The following ZBTB45 variants were observed in gnomAD, a reference collection of about 807,000 sequenced individuals.
ZBTB45 encodes zinc finger and BTB domain-containing protein 45.
ZBTB45 carries 22 observed loss-of-function variants against 28.4 expected under a neutral mutation model. The ratio of observed to expected loss-of-function variants is 0.77; its 90% CI spans 0.55 to 1.10. The LOEUF (loss-of-function observed/expected upper bound fraction) is 1.10. ZBTB45 is among the 50% of genes least tolerant of loss of function. The pLI is 0.00. For missense variants in ZBTB45, 656 were observed against 750.2 expected (o/e 0.87, Z 1.47); for synonymous variants, 361 against 332.3 (o/e 1.09, Z -0.94).
Position 58,516,062 on chromosome 19 carries a change from C to T in ZBTB45, c.1279+333G>A, listed in dbSNP as rs943997850. 6.6e-6 allele frequency among the ~76,000 whole-genome samples: 1 copy of T among 152,136 alleles called. No homozygotes were observed. Among genetic ancestry groups the T allele is most frequent in the Non-Finnish European group, 1.5e-5 (1 of 68,010 alleles). ...GCTCCCTGGAGCATAGTTTCCCAAC[C>T]TGCCAGGACCTCCTGCCAAGGCTCC... On this transcript the variant is annotated intron_variant, in intron 2 of 2. Coordinates refer to ENST00000594051, the MANE Select transcript of ZBTB45 (RefSeq NM_001316979.2). The surrounding 1 kb of genome is among the most constrained non-coding windows in gnomAD (Gnocchi z 6.2).
upstream of ZBTB45, among the ~76,000 whole-genome samples, chr19:58,524,776 A>G (rs1384746638): frequency 6.6e-6 from 1 of 150,958 alleles, no homozygotes; most frequent in Admixed American, 6.6e-5. Context: ...CCAGCTACTC[A>G]GGAGGCTGAG....
intron 1 of ZBTB45, among the ~76,000 whole-genome samples, chr19:58,537,911 C>T (rs1405169020): frequency 2.0e-5 from 3 of 151,848 alleles, no homozygotes; most frequent in African/African-American, 7.3e-5. Flanking sequence ...GATCTCAGCT[C>T]ACTGCAACTT....
chr19:58,517,825 A>C (rs1425125920), intron 1 of ZBTB45, 152 bp from the exon 2 acceptor site: 1 of 688,800 alleles, frequency 1.5e-6, no homozygotes, highest in African/African-American at 1.8e-5. Context: ...TGCCCTTCAC[A>C]GTCCCCATTC....
chr19:58,521,166 C>A (rs961825862), upstream of ZBTB45, among the ~76,000 whole-genome samples: 41 of 148,906 alleles, frequency 2.8e-4, no homozygotes, highest in Non-Finnish European at 4.3e-4. Context: ...AGATCGAGAC[C>A]ATCCTGGCTA....
chr19:58,538,324 C>G (rs1001099966), intron 1 of ZBTB45, among the ~76,000 whole-genome samples: 19 of 151,988 alleles, frequency 1.3e-4, no homozygotes, highest in African/African-American at 4.6e-4. Context: ...GCGATCTCAA[C>G]GCGTCAGCCT....
Position 58,516,602 on chromosome 19 carries a change from G to A in ZBTB45, c.1072C>T (p.Pro358Ser). The part of the protein sequence containing the change: ...APSGPAPAPP[P>S]AFYPTLQPEA... ...GGCTGGAGTGTGGGGTAGAAGGCGG[G>A]TGGGGGCGCAGGGGCTGGCCCCGAT... The change falls in exon 2 of 3, where the codon CCC (proline) becomes TCC (serine). Residue 358 changes from proline to serine, a missense_variant. Transcript: ENST00000594051. The surrounding 1 kb of genome is among the most constrained non-coding windows in gnomAD (Gnocchi z 6.2). 6.4e-7 allele frequency: 1 copy of A among 1,563,344 alleles called. No individual in the cohort carries two copies. Among genetic ancestry groups the A allele is most frequent in the East Asian group, 2.3e-5 (1 of 44,212 alleles).
intron 1 of ZBTB45, among the ~76,000 whole-genome samples, chr19:58,527,775 C>A (rs1208357260): frequency 6.6e-6 from 1 of 151,912 alleles, no homozygotes; most frequent in Non-Finnish European, 1.5e-5. Flanking sequence ...TTGTCCCCTC[C>A]CTCTTTACAA....
upstream of ZBTB45, among the ~76,000 whole-genome samples, chr19:58,521,852 G>A (rs1381913049): frequency 3.3e-5 from 5 of 152,038 alleles, no homozygotes; most frequent in African/African-American, 7.2e-5. Context: ...AGAGGGACTC[G>A]GCAGTGAAAG....
rs1457375166 is a variant in ZBTB45, at chr19:58,517,598, GC to G, written c.75del (p.Gln26ArgfsTer10). On this transcript the variant is annotated frameshift_variant, in exon 2 of 3. Transcript: ENST00000594051. LOFTEE classifies it high-confidence loss of function. The part of the protein sequence containing the change: ...FSRSLLETLN[G>X]QRLGGHFCDV... ...TCACAGAAGTGTCCCCCAAGCCTCT[GC>G]CCATTGAGGGTCTCAAGCAGAGAGC... 6.2e-7 allele frequency: 1 copy of G among 1,613,956 alleles called. No individual in the cohort carries two copies. The highest frequency in any genetic ancestry group is 1.7e-5 in the Admixed American group (1 of 59,998).
Position 58,516,293 on chromosome 19 carries a change from G to C in ZBTB45, c.1279+102C>G. On this transcript the variant is annotated intron_variant, in intron 2 of 2. Coordinates refer to ENST00000594051, the MANE Select transcript of ZBTB45 (RefSeq NM_001316979.2). The surrounding 1 kb of genome is among the most constrained non-coding windows in gnomAD (Gnocchi z 6.2). ...TTTCTAGGCCCCCTGCTAACCAAAAGTAACAGAACAGTGCCAGTGCCCTGT... is the reference window on the plus strand; with the variant it reads ...TTTCTAGGCCCCCTGCTAACCAAAACTAACAGAACAGTGCCAGTGCCCTGT... 6.9e-7 allele frequency: 1 copy of C among 1,442,982 alleles called. No individual in the cohort carries two copies. Among genetic ancestry groups the C allele is most frequent in the Non-Finnish European group, 9.4e-7 (1 of 1,062,190 alleles). The allele number at this position is 1,442,982 out of a possible 1,614,324, so 89.4% of individuals were successfully genotyped here.
chr19:58,528,858 C>T (rs1407750769), intron 1 of ZBTB45, among the ~76,000 whole-genome samples: 3 of 151,972 alleles, frequency 2.0e-5, no homozygotes, highest in Non-Finnish European at 4.4e-5. Flanking sequence ...CGCGCCACTG[C>T]ACTCCAGCCT....
chr19:58,522,028 A>G (rs915823713), upstream of ZBTB45, among the ~76,000 whole-genome samples: 8 of 152,048 alleles, frequency 5.3e-5, no homozygotes, highest in Non-Finnish European at 1.2e-4. Context: ...AACCTCATTA[A>G]AACACAAGTC....
At chr19:58,514,333 C>T in intron 2 of ZBTB45, 23 bp from the exon 3 acceptor site, 1 of 1,581,886 alleles carries the variant, frequency 6.3e-7, no homozygotes, top group Non-Finnish European at 8.6e-7. Flanking sequence ...GGGCGGGCCG[C>T]GAACGCAAGT....
intron 1 of ZBTB45, among the ~76,000 whole-genome samples, chr19:58,530,171 T>A (rs1262517122): frequency 1.3e-5 from 2 of 150,934 alleles, no homozygotes; most frequent in Non-Finnish European, 2.9e-5. Context: ...ACCACTACAC[T>A]CCAGTCTGAT....
chr19:58,514,720 C>T (rs1401986687), intron 2 of ZBTB45, among the ~76,000 whole-genome samples: 1 of 152,152 alleles, frequency 6.6e-6, no homozygotes, highest in East Asian at 1.9e-4. Flanking sequence ...GGACTGCCCA[C>T]TGGGATCTCC....
At position 58,516,712 on chromosome 19, in the gene ZBTB45, C is replaced by A; in HGVS notation, c.962G>T (p.Gly321Val). 1 of 1,597,026 alleles carries A rather than the reference C, an allele frequency of 6.3e-7. No individual in the cohort carries two copies. Among genetic ancestry groups the A allele is most frequent in the South Asian group, 1.1e-5 (1 of 88,192 alleles). Residue 321 changes from glycine (G) to valine (V), a missense_variant, in exon 2 of 3, where the codon GGT (glycine) becomes GTT (valine). Gly to Val is a moderately radical substitution (Grantham distance 109). Around this residue, in one of 3 missense-constraint regions of ZBTB45, gnomAD observed 448 missense variants for 444.3 expected, o/e 1.01. Coordinates refer to ENST00000594051, the MANE Select transcript of ZBTB45 (RefSeq NM_001316979.2). The surrounding 1 kb of genome is among the most constrained non-coding windows in gnomAD (Gnocchi z 6.2). ...DCILSGSRPPGVKTPGPPVAL... is the reference protein window; with the variant it reads ...DCILSGSRPPVVKTPGPPVAL... The stretch of plus-strand genomic sequence containing the variant: ...AACGGGCGGCCCTGGGGTCTTCACA[C>A]CAGGCGGGCGGGATCCAGACAGTAT...
In ZBTB45 at chr19:58,517,117, G is replaced by A. The variant is rs770940859; in HGVS notation, c.557C>T (p.Thr186Ile). Residue 186 changes from threonine to isoleucine, a missense_variant, in exon 2 of 3, where the codon ACA becomes ATA. Physicochemically the swap from Thr to Ile is moderately conservative, Grantham distance 89 (BLOSUM62 -1). This residue lies in a region of ZBTB45 where 448 missense variants were observed against 444.3 expected (regional missense o/e 1.01). Transcript: ENST00000594051. Reference protein sequence around the residue: ...PARLQLPAPPTPAKAEGPDAD... With the variant: ...PARLQLPAPPIPAKAEGPDAD... ...ATCAGGCCCCTCAGCCTTGGCAGGT[G>A]TTGGGGGCGCTGGCAGCTGCAAACG... The A allele has an allele frequency of 3.7e-6, 6 of 1,612,902 alleles. No individual in the cohort carries two copies. The South Asian group carries it at 5.5e-5, about 15-fold the overall frequency.
chr19:58,515,595 C>CA lies in ZBTB45; in HGVS notation c.1279+799dup, dbSNP rs1402973367. The stretch of plus-strand genomic sequence containing the variant: ...AGAACACCATGGCTTCCCCACCACT[C>CA]ACAGTCAAATCCCAAGTTCCAGCCC... On this transcript the variant is annotated intron_variant, in intron 2 of 2. Transcript: ENST00000594051. This position sits in a 1 kb window ranked among gnomAD's most constrained non-coding sequence, Gnocchi z 4.7. 6.6e-6 allele frequency among the ~76,000 whole-genome samples: 1 copy of CA among 152,198 alleles called. No individual in the cohort carries two copies. The highest frequency in any genetic ancestry group is 2.4e-5 in the African/African-American group (1 of 41,454).
At position 58,514,052 on chromosome 19, in the gene ZBTB45, C is replaced by A. The variant is rs2122544423; in HGVS notation, c.*2G>T. The A allele has an allele frequency of 1.4e-6, 2 of 1,451,104 alleles. No individual in the cohort carries two copies. Among genetic ancestry groups the A allele is most frequent in the South Asian group, 2.8e-5 (2 of 71,048 alleles). 89.9% of individuals were successfully genotyped at this position (1,451,104 alleles called of 1,614,324 possible). The stretch of plus-strand genomic sequence containing the variant: ...CGTGGGCGAGGCCAGGCCCCAGCGC[C>A]ATCAGGGCGCAGGGTGCGCCGCCAG... On this transcript the variant is annotated 3_prime_UTR_variant, in exon 3 of 3. Transcript: ENST00000594051.
Sources: allele counts gnomAD v4.1 joint callset (sites outside exome capture counted in the v4.1 genomes callset), GRCh38; gene constraint gnomAD v4.1.1; regional missense constraint gnomAD v4.1.1; non-coding constraint Gnocchi (gnomAD v3.1); transcripts MANE v1.5; gene names NCBI Gene and HGNC (gene_info 2026-07-23, HGNC 2026-07-21).